OR2M5: variants seen among roughly 807,000 people sequenced by gnomAD.
The protein encoded by OR2M5 is olfactory receptor family 2 subfamily M member 5.
For synonymous variants in OR2M5, 164 were observed against 139.6 expected, an observed-to-expected ratio of 1.18 and a Z score of -1.23; for missense variants, 413 against 389.3, an observed-to-expected ratio of 1.06 and a Z score of -0.51.
Position 248,145,768 on chromosome 1 carries a change from T to G in OR2M5, c.621T>G (p.Ile207Met). 6.2e-7 allele frequency: 1 copy of G among 1,613,700 alleles called. No individual in the cohort carries two copies. The highest frequency in any genetic ancestry group is 1.1e-5 in the South Asian group (1 of 91,076). ...KVLFICCIVM[I>M]VFPVAIIIAS... ...TTTTCATCTGCTGTATAGTAATGAT[T>G]GTTTTTCCTGTTGCAATCATCATCG... Residue 207 changes from isoleucine (I) to methionine (M), a missense_variant, in exon 1 of 1, where the codon ATT (isoleucine) becomes ATG (methionine). Ile to Met is a conservative substitution (Grantham distance 10, BLOSUM62 1). Transcript: ENST00000366476.
chr1:248,146,037 T>A lies in OR2M5; in HGVS notation c.890T>A (p.Val297Glu). The change falls in exon 1 of 1, where the codon GTG (valine) becomes GAG (glutamate). Residue 297 changes from valine (V) to glutamate (E), a missense_variant. Val to Glu is a moderately radical substitution (Grantham distance 121). Transcript: ENST00000366476. Reference protein sequence around the residue: ...PLIYSLRNKEVTRALRKVLGK... With the variant: ...PLIYSLRNKEETRALRKVLGK... ...ATCTACAGCCTCCGCAACAAGGAGG[T>A]GACCAGAGCACTCAGGAAAGTGTTA... 1 of 1,613,654 alleles carries A rather than the reference T, an allele frequency of 6.2e-7. No homozygotes were observed. The highest frequency in any genetic ancestry group is 1.3e-5 in the African/African-American group (1 of 74,980).
chr1:248,145,570 T>C lies in OR2M5; in HGVS notation c.423T>C (p.Cys141=). ...CCAATCTCATGAGACCCAAAATTTG[T>C]GGACTTATGACTGCCTTCTCCTGGA... ...RYTNLMRPKI[C]GLMTAFSWIL... is the part of the protein sequence containing the mutation. The change falls in exon 1 of 1, where the codon TGT becomes TGC. Residue 141 remains cysteine (C), a synonymous_variant. Coordinates refer to ENST00000366476, the MANE Select transcript of OR2M5 (RefSeq NM_001004690.1). The C allele has an allele frequency of 6.2e-7, 1 of 1,613,892 alleles. No individual in the cohort carries two copies. Among genetic ancestry groups the C allele is most frequent in the Non-Finnish European group, 8.5e-7 (1 of 1,179,856 alleles).
chr1:248,145,889 G>C lies in OR2M5; in HGVS notation c.742G>C (p.Val248Leu). The C allele has an allele frequency of 6.2e-7, 1 of 1,613,856 alleles. No homozygotes were observed. The highest frequency in any genetic ancestry group is 8.5e-7 in the Non-Finnish European group (1 of 1,179,932). The stretch of plus-strand genomic sequence containing the variant: ...TACCTGTTCCTCTCACCTCATGGTG[G>C]TGGGAATGTACTATGGAGCAGGTTT... Reference protein sequence around the residue: ...FTTCSSHLMVVGMYYGAGLFM... With the variant: ...FTTCSSHLMVLGMYYGAGLFM... The change falls in exon 1 of 1, where the codon GTG becomes CTG. Residue 248 changes from valine (V) to leucine (L), a missense_variant. Coordinates refer to ENST00000366476, the MANE Select transcript of OR2M5 (RefSeq NM_001004690.1).
Position 248,145,712 on chromosome 1 carries a change from T to C in OR2M5, c.565T>C (p.Cys189Arg). ...CTTCCCTTCCCTACTAATCCTCTCA[T>C]GCAATGACACATCAATATTTGAAAA... The part of the protein sequence containing the change: ...CDFPSLLILS[C>R]NDTSIFEKVL... The change falls in exon 1 of 1, where the codon TGC (cysteine) becomes CGC (arginine). Residue 189 changes from cysteine to arginine, a missense_variant. Cys to Arg is a radical substitution (Grantham distance 180, BLOSUM62 -3). Coordinates refer to ENST00000366476, the MANE Select transcript of OR2M5 (RefSeq NM_001004690.1). 2 of 1,613,838 alleles carry C rather than the reference T, an allele frequency of 1.2e-6. No individual in the cohort carries two copies. Among genetic ancestry groups the C allele is most frequent in the Non-Finnish European group, 1.7e-6 (2 of 1,179,816 alleles).
Position 248,145,911 on chromosome 1 carries a change from G to C in OR2M5, c.764G>C (p.Gly255Ala), listed in dbSNP as rs564439097. Reference sequence around the variant, plus strand: ...GTGGTGGGAATGTACTATGGAGCAGGTTTGTTCATGTACATACGGCCCACA... The same window carrying C: ...GTGGTGGGAATGTACTATGGAGCAGCTTTGTTCATGTACATACGGCCCACA... ...LMVVGMYYGA[G>A]LFMYIRPTSD... Residue 255 changes from glycine (G) to alanine (A), a missense_variant, in exon 1 of 1, where the codon GGT becomes GCT. By Grantham distance (60) the Gly-to-Ala change is moderately conservative. Coordinates refer to ENST00000366476, the MANE Select transcript of OR2M5 (RefSeq NM_001004690.1). 2.7e-5 allele frequency: 43 copies of C among 1,613,954 alleles called. No individual in the cohort carries two copies. In the South Asian group the frequency reaches 3.5e-4, roughly 13 times the overall value.
Position 248,145,354 on chromosome 1 carries a change from G to C in OR2M5, c.207G>C (p.Met69Ile). 1 of 1,613,958 alleles carries C rather than the reference G, an allele frequency of 6.2e-7. No homozygotes were observed. The highest frequency in any genetic ancestry group is 8.5e-7 in the Non-Finnish European group (1 of 1,179,964). ...MYFLLSQLFL[M>I]DLMLICSTVP... ...TCCTCCTCAGTCAACTGTTCCTCAT[G>C]GACCTCATGCTCATCTGCTCTACCG... Residue 69 changes from methionine (M) to isoleucine (I), a missense_variant, in exon 1 of 1, where the codon ATG (methionine) becomes ATC (isoleucine). Transcript: ENST00000366476.
rs775325958 is a variant in OR2M5 at position 248,145,963 on chromosome 1, G to A, written c.816G>A (p.Lys272=). The change falls in exon 1 of 1, where the codon AAG becomes AAA. Residue 272 remains lysine (K), a synonymous_variant. Coordinates refer to ENST00000366476, the MANE Select transcript of OR2M5 (RefSeq NM_001004690.1). ...PTSDRSPMQD[K]LVSVFYTILT... is the part of the protein sequence containing the mutation. ...CTGATCGCTCCCCTATGCAGGACAA[G>A]CTGGTGTCTGTATTCTACACCATCC... The A allele has an allele frequency of 5.0e-6, 8 of 1,613,906 alleles. No homozygotes were observed. In the East Asian group the frequency reaches 1.8e-4, roughly 36 times the overall value.
chr1:248,145,769 G>GT lies in OR2M5; in HGVS notation c.627dup (p.Pro210SerfsTer56). 6 of 1,613,590 alleles carry GT rather than the reference G, an allele frequency of 3.7e-6. No individual in the cohort carries two copies. The highest frequency in any genetic ancestry group is 5.1e-6 in the Non-Finnish European group (6 of 1,179,788). On this transcript the variant is annotated frameshift_variant, in exon 1 of 1. Transcript: ENST00000366476. LOFTEE classifies it low-confidence loss of function (END_TRUNC). ...TTTCATCTGCTGTATAGTAATGATT[G>GT]TTTTTCCTGTTGCAATCATCATCGC...
Position 248,145,854 on chromosome 1 carries a change from A to C in OR2M5, c.707A>C (p.Lys236Thr). The change falls in exon 1 of 1, where the codon AAA (lysine) becomes ACA (threonine). Residue 236 changes from lysine (K) to threonine (T), a missense_variant. By Grantham distance (78) the Lys-to-Thr change is moderately conservative. Transcript: ENST00000366476. Reference sequence around the variant, plus strand: ...ATGGGATCTGGAGAGGGTCGTCGCAAAGCTTTTACTACCTGTTCCTCTCAC... The same window carrying C: ...ATGGGATCTGGAGAGGGTCGTCGCACAGCTTTTACTACCTGTTCCTCTCAC... ...IHMGSGEGRR[K>T]AFTTCSSHLM... The C allele has an allele frequency of 6.2e-7, 1 of 1,613,430 alleles. No homozygotes were observed. Among genetic ancestry groups the C allele is most frequent in the Non-Finnish European group, 8.5e-7 (1 of 1,179,826 alleles).
rs772075695 is a variant in OR2M5 at position 248,145,372 on chromosome 1, C to T, written c.225C>T (p.Cys75=). ...QLFLMDLMLI[C]STVPKMAFNY... ...TCCTCATGGACCTCATGCTCATCTG[C>T]TCTACCGTACCCAAGATGGCCTTCA... Residue 75 remains cysteine, a synonymous_variant, in exon 1 of 1, where the codon TGC becomes TGT. Transcript: ENST00000366476. The T allele has an allele frequency of 6.2e-7, 1 of 1,614,054 alleles. No homozygotes were observed. The highest frequency in any genetic ancestry group is 1.7e-5 in the Admixed American group (1 of 59,992).
rs765353118 is a variant in OR2M5 at position 248,145,661 on chromosome 1, C to T, written c.514C>T (p.Arg172Trp). ...ATTTTCCTTCTCCTACTGTGGGTCT[C>T]GGGAAATAGCCCACTTCTTCTGTGA... ...ATFSFSYCGS[R>W]EIAHFFCDFP... Residue 172 changes from arginine (R) to tryptophan (W), a missense_variant, in exon 1 of 1, where the codon CGG (arginine) becomes TGG (tryptophan). Physicochemically the swap from Arg to Trp is moderately radical, Grantham distance 101. Transcript: ENST00000366476. 15 of 1,613,646 alleles carry T rather than the reference C, an allele frequency of 9.3e-6. No individual in the cohort carries two copies. The highest frequency in any genetic ancestry group is 4.5e-5 in the East Asian group (2 of 44,884).
chr1:248,145,461 T>A lies in OR2M5; in HGVS notation c.314T>A (p.Val105Glu). The A allele has an allele frequency of 6.2e-7, 1 of 1,614,086 alleles. No individual in the cohort carries two copies. Among genetic ancestry groups the A allele is most frequent in the Non-Finnish European group, 8.5e-7 (1 of 1,179,962 alleles). ...TGTGCCACACAAATTTTCTTCTATG[T>A]ATCACTGCTTGGCTCCGAATGCTTT... ...AGCATQIFFY[V>E]SLLGSECFLL... The change falls in exon 1 of 1, where the codon GTA becomes GAA. Residue 105 changes from valine to glutamate, a missense_variant. By Grantham distance (121) the Val-to-Glu change is moderately radical (BLOSUM62 -2). Coordinates refer to ENST00000366476, the MANE Select transcript of OR2M5 (RefSeq NM_001004690.1).
In OR2M5 at chr1:248,146,054, A is replaced by G. The variant is rs73141283; in HGVS notation, c.907A>G (p.Lys303Glu). The change falls in exon 1 of 1, where the codon AAA becomes GAA. Residue 303 changes from lysine to glutamate, a missense_variant. Physicochemically the swap from Lys to Glu is moderately conservative, Grantham distance 56 (BLOSUM62 1). Transcript: ENST00000366476. ...RNKEVTRALR[K>E]VLGKGKCGE is the part of the protein sequence containing the mutation. ...CAAGGAGGTGACCAGAGCACTCAGGAAAGTGTTAGGAAAGGGCAAGTGTGG... is the reference window on the plus strand; with the variant it reads ...CAAGGAGGTGACCAGAGCACTCAGGGAAGTGTTAGGAAAGGGCAAGTGTGG... The G allele has an allele frequency of 0.059, 95,033 of 1,613,314 alleles. 3,051 individuals are homozygous for G. Among genetic ancestry groups the G allele is most frequent in the East Asian group, 0.1 (4,466 of 44,858 alleles).
At position 248,145,273 on chromosome 1, in the gene OR2M5, C is replaced by G. The variant is rs768957219; in HGVS notation, c.126C>G (p.Asn42Lys). The part of the protein sequence containing the change: ...LAIFSVAFMG[N>K]SVMVLLIYLD... ...TCTTTTCAGTGGCCTTCATGGGAAA[C>G]TCTGTCATGGTTCTCCTCATCTACC... is the stretch of plus-strand genomic sequence containing the variant. Residue 42 changes from asparagine (N) to lysine (K), a missense_variant, in exon 1 of 1, where the codon AAC becomes AAG. By Grantham distance (94) the Asn-to-Lys change is moderately conservative. Transcript: ENST00000366476. The G allele has an allele frequency of 6.2e-7, 1 of 1,613,972 alleles. No individual in the cohort carries two copies. Among genetic ancestry groups the G allele is most frequent in the South Asian group, 1.1e-5 (1 of 91,070 alleles).
rs780161612 is a variant in OR2M5, at chr1:248,145,270, A to T, written c.123A>T (p.Gly41=). ...CCATCTTTTCAGTGGCCTTCATGGG[A>T]AACTCTGTCATGGTTCTCCTCATCT... The part of the protein sequence containing the change: ...VLAIFSVAFM[G]NSVMVLLIYL... The change falls in exon 1 of 1, where the codon GGA becomes GGT. Residue 41 remains glycine, a synonymous_variant. Coordinates refer to ENST00000366476, the MANE Select transcript of OR2M5 (RefSeq NM_001004690.1). 1 of 1,613,780 alleles carries T rather than the reference A, an allele frequency of 6.2e-7. No individual in the cohort carries two copies.
At position 248,145,384 on chromosome 1, in the gene OR2M5, C is replaced by G. The variant is rs750833566; in HGVS notation, c.237C>G (p.Pro79=). 3 of 1,613,984 alleles carry G rather than the reference C, an allele frequency of 1.9e-6. No individual in the cohort carries two copies. The highest frequency in any genetic ancestry group is 2.5e-6 in the Non-Finnish European group (3 of 1,179,986). The change falls in exon 1 of 1, where the codon CCC becomes CCG. Residue 79 remains proline (P), a synonymous_variant. Coordinates refer to ENST00000366476, the MANE Select transcript of OR2M5 (RefSeq NM_001004690.1). The part of the protein sequence containing the change: ...MDLMLICSTV[P]KMAFNYLSGS... ...TCATGCTCATCTGCTCTACCGTACC[C>G]AAGATGGCCTTCAACTACTTGTCTG...
Position 248,145,473 on chromosome 1 carries a change from G to A in OR2M5, c.326G>A (p.Gly109Asp). The change falls in exon 1 of 1, where the codon GGC (glycine) becomes GAC (aspartate). Residue 109 changes from glycine to aspartate, a missense_variant. Gly to Asp is a moderately conservative substitution (Grantham distance 94). Transcript: ENST00000366476. ...ATTTTCTTCTATGTATCACTGCTTGGCTCCGAATGCTTTCTGTTGGCTGTT... is the reference window on the plus strand; with the variant it reads ...ATTTTCTTCTATGTATCACTGCTTGACTCCGAATGCTTTCTGTTGGCTGTT... ...TQIFFYVSLL[G>D]SECFLLAVMS... is the part of the protein sequence containing the mutation. 1 of 1,613,938 alleles carries A rather than the reference G, an allele frequency of 6.2e-7. No homozygotes were observed. The highest frequency in any genetic ancestry group is 8.5e-7 in the Non-Finnish European group (1 of 1,179,928).
In OR2M5 at chr1:248,145,524, T is replaced by C; in HGVS notation, c.377T>C (p.Ile126Thr). Residue 126 changes from isoleucine to threonine, a missense_variant, in exon 1 of 1, where the codon ATT becomes ACT. Ile to Thr is a moderately conservative substitution (Grantham distance 89). Coordinates refer to ENST00000366476, the MANE Select transcript of OR2M5 (RefSeq NM_001004690.1). ...ATGTCTTATGACCGCTATATTGCCA[T>C]TTGCCACCCTCTAAGATACACCAAT... ...AVMSYDRYIAICHPLRYTNLM... is the reference protein window; with the variant it reads ...AVMSYDRYIATCHPLRYTNLM... 6.2e-7 allele frequency: 1 copy of C among 1,613,964 alleles called. No homozygotes were observed. The highest frequency in any genetic ancestry group is 8.5e-7 in the Non-Finnish European group (1 of 1,179,924).
Position 248,146,071 on chromosome 1 carries a change from C to T in OR2M5, c.924C>T (p.Gly308=), listed in dbSNP as rs147151488. 1.2e-6 allele frequency: 2 copies of T among 1,611,610 alleles called. No homozygotes were observed. The highest frequency in any genetic ancestry group is 1.7e-6 in the Non-Finnish European group (2 of 1,178,680). Residue 308 remains glycine (G), a synonymous_variant, in exon 1 of 1, where the codon GGC becomes GGT. Transcript: ENST00000366476. Reference sequence around the variant, plus strand: ...CACTCAGGAAAGTGTTAGGAAAGGGCAAGTGTGGAGAGTGAGTACTTTGTA... The same window carrying T: ...CACTCAGGAAAGTGTTAGGAAAGGGTAAGTGTGGAGAGTGAGTACTTTGTA... ...TRALRKVLGK[G]KCGE is the part of the protein sequence containing the mutation.
Sources: gnomAD v4.1 joint callset for allele counts on GRCh38, gnomAD v4.1.1 for gene constraint, MANE v1.5 for transcripts, NCBI Gene and HGNC (gene_info 2026-07-23, HGNC 2026-07-21) for gene names.